Variants in SLIT1 observed in about 807,000 individuals in gnomAD.
The protein encoded by SLIT1 is slit homolog 1 protein.
Under a neutral mutation model 186.1 loss-of-function variants are expected in SLIT1, and 66 were observed. That is an observed-to-expected ratio of 0.35 (90% CI 0.29 to 0.44). The LOEUF (loss-of-function observed/expected upper bound fraction) is 0.44. Among genes scored for constraint, SLIT1 ranks in the 20% least tolerant of loss-of-function variants. The pLI, the probability that SLIT1 is intolerant of heterozygous loss-of-function variation, is 1.00. For synonymous variants in SLIT1, 761 were observed against 833.8 expected, an observed-to-expected ratio of 0.91 and a Z score of 1.50; for missense variants, 1,638 against 2,037.4, an observed-to-expected ratio of 0.80 and a Z score of 3.77.
chr10:97,031,610 G>T lies in SLIT1; in HGVS notation c.2506C>A (p.Leu836Met), dbSNP rs1402755393. 31 of 1,550,776 alleles carry T rather than the reference G, an allele frequency of 2.0e-5. No homozygotes were observed. The change falls in exon 24 of 37, where the codon CTG becomes ATG. Residue 836 changes from leucine (L) to methionine (M), a missense_variant. Coordinates refer to ENST00000266058, the MANE Select transcript of SLIT1 (RefSeq NM_003061.3). ...LAFQGLRSLR[L>M]LSLHGNDIST... ...ATGGTGAGTGAGGAGACTTACAGCA[G>T]GCGCAGGGAGCGGAGTCCCTGGAAG...
Position 97,050,617 on chromosome 10 carries a change from T to C in SLIT1, c.1302-1499A>G, listed in dbSNP as rs954367851. 2.0e-5 allele frequency among the ~76,000 whole-genome samples: 3 copies of C among 152,338 alleles called. No individual in the cohort carries two copies. The East Asian group carries it at 5.8e-4, about 29-fold the overall frequency. ...GCTGATATCCTGGGGGCAGAGTTTG[T>C]AGCTAATTTAAAACATACCAGGATT... is the stretch of plus-strand genomic sequence containing the variant. On this transcript the variant is annotated intron_variant, in intron 13 of 36. Transcript: ENST00000266058.
intron 2 of SLIT1, among the ~76,000 whole-genome samples, chr10:97,164,166 C>A (rs1278770262): frequency 6.6e-6 from 1 of 152,240 alleles, no homozygotes; most frequent in Non-Finnish European, 1.5e-5. Flanking sequence ...TTGACTGTTG[C>A]GTGATAACTT....
At chr10:97,049,786 T>C (rs1348967303) in intron 13 of SLIT1, among the ~76,000 whole-genome samples, 1 of 152,234 alleles carries the variant, frequency 6.6e-6, no homozygotes, top group Non-Finnish European at 1.5e-5. Context: ...AAATCATGAC[T>C]GAGCAGCCCC....
chr10:97,085,311 C>T (rs1849147471), intron 4 of SLIT1, among the ~76,000 whole-genome samples: 1 of 152,042 alleles, frequency 6.6e-6, no homozygotes, highest in Non-Finnish European at 1.5e-5. Context: ...CTCCTAAGGT[C>T]TTCTTCAAAA....
intron 4 of SLIT1, among the ~76,000 whole-genome samples, chr10:97,092,288 T>C (rs549664348): frequency 6.6e-6 from 1 of 152,368 alleles, no homozygotes; most frequent in African/African-American, 2.4e-5. Flanking sequence ...TATCCTGCTT[T>C]GAGAGACTGT....
intron 4 of SLIT1, among the ~76,000 whole-genome samples, chr10:97,130,280 G>T (rs1849641054): frequency 6.6e-6 from 1 of 152,230 alleles, no homozygotes; most frequent in South Asian, 2.1e-4. Context: ...GAAGAGGAAT[G>T]TACAGGGACT....
At position 97,047,702 on chromosome 10, in the gene SLIT1, G is replaced by T. The variant is rs139094426; in HGVS notation, c.1622C>A (p.Ser541Tyr). Residue 541 changes from serine to tyrosine, a missense_variant, in exon 16 of 37, where the codon TCC (serine) becomes TAC (tyrosine). Ser to Tyr is a moderately radical substitution (Grantham distance 144). Transcript: ENST00000266058. ...LTKIPERIPQ[S>Y]TAELRLNNNE... ...CAGGGACCCTCACAGTTCTGCCGTGGACTGGGGGATGCGCTCAGGGATCTT... is the reference window on the plus strand; with the variant it reads ...CAGGGACCCTCACAGTTCTGCCGTGTACTGGGGGATGCGCTCAGGGATCTT... 4.4e-5 allele frequency: 71 copies of T among 1,613,854 alleles called. No individual in the cohort carries two copies. In the African/African-American group the frequency reaches 8.3e-4, roughly 19 times the overall value.
At chr10:97,003,291 G>A (rs60740449) in intron 34 of SLIT1, among the ~76,000 whole-genome samples, 1,528 of 152,336 alleles carry the variant, frequency 0.01, 21 homozygotes, top group African/African-American at 0.031. Context: ...TCGCCAAGGC[G>A]CCTTCTCTCC....
intron 28 of SLIT1, among the ~76,000 whole-genome samples, chr10:97,014,379 G>A (rs1412125457): frequency 6.6e-6 from 1 of 152,198 alleles, no homozygotes; most frequent in Non-Finnish European, 1.5e-5. Flanking sequence ...GATGGCGAGG[G>A]GAGAGGTAGT....
At chr10:97,087,703 C>T (rs1407147456) in intron 4 of SLIT1, among the ~76,000 whole-genome samples, 1 of 152,116 alleles carries the variant, frequency 6.6e-6, no homozygotes, top group Non-Finnish European at 1.5e-5. Flanking sequence ...GGGGTAGTAA[C>T]ATCCCTAGAT....
chr10:97,082,279 T>C (rs1849112570), intron 4 of SLIT1, among the ~76,000 whole-genome samples: 1 of 152,250 alleles, frequency 6.6e-6, no homozygotes, highest in South Asian at 2.1e-4. Flanking sequence ...TGACTGGCTC[T>C]TGTGTGACAC....
chr10:97,048,720 C>CAGACAGGT (rs2134627111), intron 14 of SLIT1, among the ~76,000 whole-genome samples: 1 of 152,210 alleles, frequency 6.6e-6, no homozygotes, highest in East Asian at 1.9e-4. Context: ...GACAGACAAG[C>CAGACAGGT]AGACAGGTAG....
Position 97,048,849 on chromosome 10 carries a change from G to A in SLIT1, c.1465+106C>T, listed in dbSNP as rs935936623. 378 of 1,156,500 alleles carry A rather than the reference G, an allele frequency of 3.3e-4. 7 individuals are homozygous for A. Among genetic ancestry groups the A allele is most frequent in the East Asian group, 2.1e-3 (85 of 39,898 alleles). 71.6% of individuals were successfully genotyped at this position (1,156,500 alleles called of 1,614,324 possible). On this transcript the variant is annotated intron_variant, in intron 14 of 36. Coordinates refer to ENST00000266058, the MANE Select transcript of SLIT1 (RefSeq NM_003061.3). ...TAGGCAGGCAGGCAAGTGAGCAGGC[G>A]GGTAGGTGGGCAGGTGGGCAGGTAT...
intron 4 of SLIT1, among the ~76,000 whole-genome samples, chr10:97,083,229 C>T (rs1849123353): frequency 6.6e-6 from 1 of 152,210 alleles, no homozygotes; most frequent in Admixed American, 6.5e-5. Context: ...GATACTGCAC[C>T]TGGCCAAAGC....
chr10:97,004,913 G>A lies in SLIT1; in HGVS notation c.3580-90C>T. On this transcript the variant is annotated intron_variant, in intron 32 of 36. Transcript: ENST00000266058. This position sits in a 1 kb window ranked among gnomAD's most constrained non-coding sequence, Gnocchi z 5.1. ...GGGGCAGAGAGGGCACCCAAGATTG[G>A]AAGAGAGATGCTCTGTGCAGAGCGC... is the stretch of plus-strand genomic sequence containing the variant. 1 of 1,478,420 alleles carries A rather than the reference G, an allele frequency of 6.8e-7. No individual in the cohort carries two copies. The highest frequency in any genetic ancestry group is 9.4e-7 in the Non-Finnish European group (1 of 1,066,666). The allele number at this position is 1,478,420 out of a possible 1,614,324, so 91.6% of individuals were successfully genotyped here.
intron 4 of SLIT1, among the ~76,000 whole-genome samples, chr10:97,124,880 C>T (rs1849590956): frequency 6.6e-6 from 1 of 152,130 alleles, no homozygotes; most frequent in Non-Finnish European, 1.5e-5. Context: ...TCAGTGTACT[C>T]TTAATAAAAT....
chr10:97,033,073 A>T (rs1164760746), intron 23 of SLIT1, among the ~76,000 whole-genome samples: 1 of 150,530 alleles, frequency 6.6e-6, no homozygotes, highest in Non-Finnish European at 1.5e-5. Context: ...TTTTGAGACA[A>T]GGTCCAGCTC....
chr10:97,003,133 T>C, intron 34 of SLIT1, 141 bp from the exon 35 acceptor site: 1 of 781,540 alleles, frequency 1.3e-6, no homozygotes, highest in East Asian at 2.6e-5. Context: ...TGATCCAAGG[T>C]CCTTTGCCAC....
At position 97,060,743 on chromosome 10, in the gene SLIT1, C is replaced by T. The variant is rs750161760; in HGVS notation, c.838G>A (p.Gly280Ser). The change falls in exon 9 of 37, where the codon GGC becomes AGC. Residue 280 changes from glycine (G) to serine (S), a missense_variant. Transcript: ENST00000266058. ...CAGGTGCACATGGCCGGGCAGGAGC[C>T]GGAGGACAGGGTGCAGGTGGGCACG... ...GRVPTCTLSS[G>S]SCPAMCTCSN... The T allele has an allele frequency of 1.7e-5, 28 of 1,613,128 alleles. No homozygotes were observed. Among genetic ancestry groups the T allele is most frequent in the African/African-American group, 2.7e-5 (2 of 74,944 alleles).
Sources: gnomAD v4.1 joint callset for allele counts (sites outside exome capture counted in the v4.1 genomes callset) on GRCh38, gnomAD v4.1.1 for gene constraint, Gnocchi (gnomAD v3.1) non-coding constraint, MANE v1.5 for transcripts, NCBI Gene and HGNC (gene_info 2026-07-23, HGNC 2026-07-21) for gene names.